The following SLC1A7 variants were observed in gnomAD, a reference collection of about 807,000 sequenced individuals.
SLC1A7 encodes the protein solute carrier family 1 member 7, also known as excitatory amino acid transporter 5.
SLC1A7 carries 40 observed loss-of-function variants against 47.7 expected under a neutral mutation model. The ratio of observed to expected loss-of-function variants is 0.84; its 90% confidence interval spans 0.65 to 1.09. The LOEUF (loss-of-function observed/expected upper bound fraction) is 1.09. Among genes scored for constraint, SLC1A7 ranks in the 50% least tolerant of loss-of-function variants. The pLI, the probability that SLC1A7 is intolerant of heterozygous loss-of-function variation, is 0.00. For synonymous variants in SLC1A7, 323 were observed against 325.6 expected (o/e 0.99, Z 0.09); for missense variants, 746 against 769.5 (o/e 0.97, Z 0.36).
At chr1:53,092,484 G>T in intron 7 of SLC1A7, 70 bp downstream of exon 7, 2 of 1,157,926 alleles carry the variant, frequency 1.7e-6, no homozygotes, top group Non-Finnish European at 1.3e-6. Flanking sequence ...ATGAACCAAT[G>T]ATGGCTGGAC....
intron 2 of SLC1A7, among the ~76,000 whole-genome samples, chr1:53,129,479 G>A (rs1183743200): frequency 8.5e-6 from 1 of 117,226 alleles, no homozygotes; most frequent in Non-Finnish European, 1.9e-5. Context: ...AGCCACCACT[G>A]GTCAAGCGTG....
intron 2 of SLC1A7, among the ~76,000 whole-genome samples, chr1:53,122,543 C>T (rs1644837083): frequency 6.6e-6 from 1 of 152,212 alleles, no homozygotes; most frequent in Non-Finnish European, 1.5e-5. Flanking sequence ...GTGCCATGCC[C>T]ATTAGCGCCA....
chr1:53,105,037 G>A (rs754250970), intron 4 of SLC1A7, among the ~76,000 whole-genome samples: 12 of 152,060 alleles, frequency 7.9e-5, no homozygotes, highest in Admixed American at 1.3e-4. Flanking sequence ...TTTCATAACC[G>A]GGGAAAATGC....
At chr1:53,099,664 A>C (rs1456377113) in intron 5 of SLC1A7, among the ~76,000 whole-genome samples, 9 of 96,118 alleles carry the variant, frequency 9.4e-5, no homozygotes, top group Non-Finnish European at 2.1e-4. Context: ...ACACTCACAC[A>C]CCTTGCCTCA....
intron 5 of SLC1A7, among the ~76,000 whole-genome samples, chr1:53,094,077 C>A (rs1340301318): frequency 6.6e-6 from 1 of 152,264 alleles, no homozygotes; most frequent in Admixed American, 6.5e-5. Context: ...AAGCCATCCC[C>A]GATCCCCTTT....
rs1644416510 is a variant in SLC1A7, at chr1:53,091,059, A to C, written c.1032-253T>G. On this transcript the variant is annotated intron_variant, in intron 7 of 10. Coordinates refer to ENST00000371494, the MANE Select transcript of SLC1A7 (RefSeq NM_006671.6). ...AGAGGGCGGGGCTGACCCATGTCAC[A>C]CTGCTGTGCCGAGGGATATGGAGGT... 3.6e-6 allele frequency: 4 copies of C among 1,098,196 alleles called. No individual in the cohort carries two copies. The East Asian group carries it at 1.0e-4, about 29-fold the overall frequency. 68.0% of individuals were successfully genotyped at this position (1,098,196 alleles called of 1,614,324 possible). A position where few individuals can be genotyped will look rare whatever the true frequency, so the allele number is the denominator to read the frequency against.
chr1:53,118,472 G>A (rs1644786154), intron 2 of SLC1A7: 1 of 152,162 alleles, frequency 6.6e-6, no homozygotes, highest in South Asian at 2.1e-4. Context: ...TCATCTCTCT[G>A]GGACTTTACT....
intron 4 of SLC1A7, among the ~76,000 whole-genome samples, chr1:53,103,911 A>G (rs1320763121): frequency 6.6e-6 from 1 of 151,940 alleles, no homozygotes; most frequent in African/African-American, 2.4e-5. Flanking sequence ...GTCCCCTCCC[A>G]ATCATCCAGT....
intron 2 of SLC1A7, among the ~76,000 whole-genome samples, chr1:53,117,910 G>C (rs1644778621): frequency 6.6e-6 from 1 of 152,242 alleles, no homozygotes; most frequent in African/African-American, 2.4e-5. Context: ...GAAATGGAGA[G>C]AATCCTGGGA....
At chr1:53,092,496 G>C in intron 7 of SLC1A7, 58 bp downstream of exon 7, 1 of 1,272,316 alleles carries the variant, frequency 7.9e-7, no homozygotes, top group Non-Finnish European at 1.1e-6. Context: ...TGGCTGGACA[G>C]ACGGACAGGG....
chr1:53,108,361 CTTCCTTTACAAT>C, intron 3 of SLC1A7: 1 of 580,554 alleles, frequency 1.7e-6, no homozygotes, highest in Non-Finnish European at 3.1e-6. Flanking sequence ...TTCTTTACAA[CTTCCTTTACAAT>C]TACAATCATT....
intron 5 of SLC1A7, among the ~76,000 whole-genome samples, chr1:53,094,870 A>G (rs2150317111): frequency 6.6e-6 from 1 of 152,288 alleles, no homozygotes; most frequent in East Asian, 1.9e-4. Flanking sequence ...GGGCTCCCTC[A>G]CGGCAGGGCC....
At chr1:53,103,870 T>C (rs1644611288) in intron 4 of SLC1A7, among the ~76,000 whole-genome samples, 1 of 151,950 alleles carries the variant, frequency 6.6e-6, no homozygotes, top group African/African-American at 2.4e-5. Context: ...CAGCCCCTTA[T>C]CCACCCAAGT....
At chr1:53,136,652 TTA>T (rs1272644359) in intron 1 of SLC1A7, among the ~76,000 whole-genome samples, 816 of 41,946 alleles carry the variant, frequency 0.019, 12 homozygotes, top group East Asian at 0.08. Context: ...CATATATATA[TTA>T]TATATATATA....
intron 2 of SLC1A7, among the ~76,000 whole-genome samples, chr1:53,124,660 AACAC>A (rs906803079): frequency 1.3e-4 from 20 of 151,998 alleles, no homozygotes; most frequent in Non-Finnish European, 2.9e-4. Context: ...TGGGCACACA[AACAC>A]ACACACAGAG....
intron 1 of SLC1A7, among the ~76,000 whole-genome samples, chr1:53,140,639 AAGGG>A (rs2150349483): frequency 6.6e-6 from 1 of 152,274 alleles, no homozygotes; most frequent in South Asian, 2.1e-4. Flanking sequence ...ACAGGTACAT[AAGGG>A]AGGGAGGGGG....
chr1:53,099,883 T>G (rs1416389274), intron 5 of SLC1A7, among the ~76,000 whole-genome samples: 1 of 143,720 alleles, frequency 7.0e-6, no homozygotes, highest in Non-Finnish European at 1.5e-5. Context: ...CGCATTGCCT[T>G]GGTACATTCA....
In SLC1A7 at chr1:53,142,326, G is replaced by A. The variant is rs2150350400; in HGVS notation, c.124C>T (p.Leu42Phe). The A allele has an allele frequency of 6.4e-7, 1 of 1,559,448 alleles. No individual in the cohort carries two copies. The highest frequency in any genetic ancestry group is 2.4e-5 in the East Asian group (1 of 41,574). Residue 42 changes from leucine to phenylalanine, a missense_variant, in exon 1 of 11, where the codon CTC becomes TTC. Physicochemically the swap from Leu to Phe is conservative, Grantham distance 22. Transcript: ENST00000371494. ...LLGFFLRTRRLSPQEISYFQF... is the reference protein window; with the variant it reads ...LLGFFLRTRRFSPQEISYFQF... ...TCTGGGTGGCTGACCTGTGGTGAGAGGCGCCGGGTCCTCAAGAAGAAGCCG... is the reference window on the plus strand; with the variant it reads ...TCTGGGTGGCTGACCTGTGGTGAGAAGCGCCGGGTCCTCAAGAAGAAGCCG...
chr1:53,141,555 A>C (rs12071908), intron 1 of SLC1A7, among the ~76,000 whole-genome samples: 61,896 of 151,818 alleles, frequency 0.41, 13,748 homozygotes, highest in African/African-American at 0.58. Flanking sequence ...CTTTCCCAGG[A>C]AACGCAGCTT....
Sources: gnomAD v4.1 joint callset for allele counts (sites outside exome capture counted in the v4.1 genomes callset) on GRCh38, gnomAD v4.1.1 for gene constraint, MANE v1.5 for transcripts, NCBI Gene and HGNC (gene_info 2026-07-23, HGNC 2026-07-21) for gene names.